Variants in CUX1 observed in about 807,000 individuals in gnomAD.
The protein encoded by CUX1 is protein CASP.
A neutral mutation model predicts 158.8 loss-of-function variants in CUX1; 31 were observed. The ratio of observed to expected loss-of-function variants is 0.20; its 90% CI spans 0.15 to 0.26. The LOEUF is 0.26. Ranked by LOEUF, CUX1 falls within the 10% of genes least tolerant of loss-of-function variation. The pLI is 1.00. For synonymous variants in CUX1, 879 were observed against 862.1 expected (o/e 1.02, Z -0.34); for missense variants, 1,589 against 2,014.6 (o/e 0.79, Z 4.04).
At position 102,201,389 on chromosome 7, in the gene CUX1, G is replaced by A. The variant is rs782786732; in HGVS notation, c.2092G>A (p.Gly698Ser). ...AEPAQPSSAS[G>S]SGNSDDAIRS... ...GCCGGCCCAGCCTTCCTCCGCATCC[G>A]GCAGCGGGAACTCTGATGACGCCAT... is the stretch of plus-strand genomic sequence containing the variant. Residue 698 changes from glycine (G) to serine (S), a missense_variant, in exon 18 of 24, where the codon GGC becomes AGC. Around this residue, in one of 8 missense-constraint regions of CUX1, gnomAD observed 337 missense variants for 409.3 expected, o/e 0.82. Transcript: ENST00000292535. This position sits in a 1 kb window ranked among gnomAD's most constrained non-coding sequence, Gnocchi z 5.0. 6 of 1,613,670 alleles carry A rather than the reference G, an allele frequency of 3.7e-6. No homozygotes were observed. The highest frequency in any genetic ancestry group is 3.3e-5 in the South Asian group (3 of 91,078).
At chr7:102,008,904 TC>T (rs1224376703) in intron 2 of CUX1, among the ~76,000 whole-genome samples, 1 of 152,176 alleles carries the variant, frequency 6.6e-6, no homozygotes, top group Non-Finnish European at 1.5e-5. Flanking sequence ...ATCAGAGGCC[TC>T]TCAGGTTCTT....
intron 1 of CUX1, among the ~76,000 whole-genome samples, chr7:101,875,264 A>G (rs1289341874): frequency 6.6e-6 from 1 of 152,180 alleles, no homozygotes; most frequent in Non-Finnish European, 1.5e-5. Context: ...CGTCAGCCAC[A>G]TGCCAGGCCT....
chr7:102,087,059 C>G (rs1423503849), intron 4 of CUX1, among the ~76,000 whole-genome samples: 1 of 152,104 alleles, frequency 6.6e-6, no homozygotes, highest in Non-Finnish European at 1.5e-5. Flanking sequence ...ATACCTACAT[C>G]TTGCTTTTTT....
chr7:102,174,704 G>T (rs564314226), intron 10 of CUX1, among the ~76,000 whole-genome samples: 25 of 152,324 alleles, frequency 1.6e-4, no homozygotes, highest in Middle Eastern at 3.4e-3. Flanking sequence ...CCAGCACTTT[G>T]GGAGGCCAAG....
intron 1 of CUX1, among the ~76,000 whole-genome samples, chr7:101,852,073 T>C (rs1041254425): frequency 4.6e-5 from 7 of 151,802 alleles, no homozygotes; most frequent in Admixed American, 4.6e-4. Context: ...CAAGCAGTCC[T>C]CCCACCTTGG....
intron 2 of CUX1, among the ~76,000 whole-genome samples, chr7:101,951,596 C>G (rs1022942870): frequency 2.6e-5 from 4 of 151,962 alleles, no homozygotes; most frequent in African/African-American, 7.2e-5. Context: ...AGCTCCGCCT[C>G]CAGGGTTCAT....
chr7:102,243,632 A>AAAT (rs3077412), intron 23 of CUX1, among the ~76,000 whole-genome samples: 34,370 of 130,482 alleles, frequency 0.26, 4,602 homozygotes, highest in East Asian at 0.38. Context: ...TCTCTACAGA[A>AAAT]AATAATAATA....
chr7:101,822,363 T>G (rs1792750342), intron 1 of CUX1: 1 of 152,252 alleles, frequency 6.6e-6, no homozygotes, highest in Admixed American at 6.5e-5. Context: ...TTTGCTGAGC[T>G]GTAATCAGTC....
At chr7:102,011,094 C>A (rs1450693930) in intron 2 of CUX1, among the ~76,000 whole-genome samples, 5 of 151,558 alleles carry the variant, frequency 3.3e-5, no homozygotes, top group Non-Finnish European at 7.4e-5. Context: ...GCCTGGGCAA[C>A]AAGAGCAAAA....
At chr7:101,849,768 A>G (rs1796075936) in intron 1 of CUX1, among the ~76,000 whole-genome samples, 1 of 152,092 alleles carries the variant, frequency 6.6e-6, no homozygotes, top group Non-Finnish European at 1.5e-5. Flanking sequence ...TGTCTTCTAT[A>G]ATGGCTGAAC....
At chr7:101,919,482 G>A (rs1804629860) in intron 2 of CUX1, among the ~76,000 whole-genome samples, 1 of 152,218 alleles carries the variant, frequency 6.6e-6, no homozygotes, top group African/African-American at 2.4e-5. Flanking sequence ...GGCTTACCGG[G>A]AGGAGGGTAT....
intron 1 of CUX1, among the ~76,000 whole-genome samples, chr7:101,851,908 A>C (rs1482071328): frequency 4.7e-5 from 7 of 150,372 alleles, no homozygotes; most frequent in Non-Finnish European, 8.9e-5. Flanking sequence ...GGCTCTCTGC[A>C]ACCTCCACTG....
chr7:102,174,625 G>A (rs1194147921), intron 10 of CUX1, among the ~76,000 whole-genome samples: 6 of 152,168 alleles, frequency 3.9e-5, no homozygotes, highest in Non-Finnish European at 8.8e-5. Context: ...CCACTGTGTT[G>A]AGATGGAGTG....
In CUX1 at chr7:102,047,591, G is replaced by T. The variant is rs561322266; in HGVS notation, c.189+19446G>T. On this transcript the variant is annotated intron_variant, in intron 3 of 23. Transcript: ENST00000292535. The stretch of plus-strand genomic sequence containing the variant: ...TAGTCTAGAGGTAGGGAGGGAGGGA[G>T]GGATGGATGGATGGATGGATGATTA... Among the ~76,000 whole-genome samples, 11 of 150,770 alleles carry T rather than the reference G, an allele frequency of 7.3e-5. No individual in the cohort carries two copies. The South Asian group carries it at 2.1e-3, about 29-fold the overall frequency.
chr7:102,096,456 G>A (rs1207750792), intron 4 of CUX1, among the ~76,000 whole-genome samples: 2 of 152,230 alleles, frequency 1.3e-5, no homozygotes, highest in Non-Finnish European at 2.9e-5. Context: ...GCTCACGCCT[G>A]TAATCCTTTG....
intron 2 of CUX1, among the ~76,000 whole-genome samples, chr7:101,962,265 C>G (rs149295305): frequency 6.6e-6 from 1 of 152,196 alleles, no homozygotes; most frequent in Non-Finnish European, 1.5e-5. Context: ...CCTTAATCAC[C>G]GTTTTCTCTC....
chr7:102,076,201 G>A (rs781977866), intron 4 of CUX1, among the ~76,000 whole-genome samples: 16 of 152,062 alleles, frequency 1.1e-4, no homozygotes, highest in Non-Finnish European at 1.8e-4. Context: ...TGGCCACATG[G>A]TGAAACCTCG....
intron 1 of CUX1, among the ~76,000 whole-genome samples, chr7:101,866,337 A>G (rs1797924814): frequency 6.6e-6 from 1 of 151,792 alleles, no homozygotes; most frequent in Non-Finnish European, 1.5e-5. Context: ...TGAGTGTGGT[A>G]GTGCACGCCT....
intron 3 of CUX1, among the ~76,000 whole-genome samples, chr7:102,050,535 G>A (rs1823368775): frequency 6.6e-6 from 1 of 152,118 alleles, no homozygotes; most frequent in Admixed American, 6.6e-5. Flanking sequence ...GGCTCCCACT[G>A]TGGGTACCTC....
Sources: allele counts gnomAD v4.1 joint callset (sites outside exome capture counted in the v4.1 genomes callset), GRCh38; gene constraint gnomAD v4.1.1; regional missense constraint gnomAD v4.1.1; non-coding constraint Gnocchi (gnomAD v3.1); transcripts MANE v1.5; gene names NCBI Gene and HGNC (gene_info 2026-07-23, HGNC 2026-07-21).